Variants in LEPROTL1 observed in about 807,000 individuals in gnomAD.
LEPROTL1 encodes the protein leptin receptor overlapping transcript like 1.
Under a neutral mutation model 15.4 loss-of-function variants are expected in LEPROTL1, and 6 were observed. The ratio of observed to expected loss-of-function variants is 0.39; its 90% CI spans 0.21 to 0.77. The LOEUF is 0.77. Ranked by LOEUF, LEPROTL1 falls within the 30% of genes least tolerant of loss-of-function variation. The pLI is 0.41. For missense variants in LEPROTL1, 128 were observed against 158.1 expected (o/e 0.81, Z 1.02); for synonymous variants, 56 against 52.6 (o/e 1.06, Z -0.28).
At chr8:30,104,665 C>A in intron 3 of LEPROTL1, 179 bp downstream of exon 3, 1 of 418,610 alleles carries the variant, frequency 2.4e-6, no homozygotes, top group Non-Finnish European at 4.2e-6. Flanking sequence ...TATTGGAGAA[C>A]GTGGCTTGGA....
Position 30,132,537 on chromosome 8 carries a change from G to T in LEPROTL1, c.394+48G>T, listed in dbSNP as rs139376997. On this transcript the variant is annotated intron_variant, in intron 4 of 4. Coordinates refer to the LEPROTL1 transcript ENST00000442880. Reference sequence around the variant, plus strand: ...TGGTCCACACGACATAGATGCACTCGAATTGCTGGCAATCAGTCAGTCCCG... The same window carrying T: ...TGGTCCACACGACATAGATGCACTCTAATTGCTGGCAATCAGTCAGTCCCG... The T allele has an allele frequency of 6.4e-7, 1 of 1,551,738 alleles. No individual in the cohort carries two copies.
chr8:30,113,637 G>A (rs1802688746), intron 3 of LEPROTL1, among the ~76,000 whole-genome samples: 2 of 152,150 alleles, frequency 1.3e-5, no homozygotes, highest in Non-Finnish European at 2.9e-5. Context: ...ATTATGGGCC[G>A]GAGAGAACAT....
chr8:30,115,907 G>T (rs998113305), intron 3 of LEPROTL1, among the ~76,000 whole-genome samples: 2 of 152,106 alleles, frequency 1.3e-5, no homozygotes, highest in Non-Finnish European at 2.9e-5. Flanking sequence ...TTAGGTGGAA[G>T]TGTAAGTAGT....
chr8:30,123,014 T>A (rs888285852), intron 3 of LEPROTL1, among the ~76,000 whole-genome samples: 1 of 152,118 alleles, frequency 6.6e-6, no homozygotes, highest in Non-Finnish European at 1.5e-5. Flanking sequence ...CAGCTGGGGG[T>A]TGGTGGATCA....
chr8:30,134,867 T>C (rs563003981), intron 4 of LEPROTL1, among the ~76,000 whole-genome samples: 1 of 151,028 alleles, frequency 6.6e-6, no homozygotes, highest in East Asian at 2.0e-4. Context: ...CTTTTCTTTT[T>C]TCTTTTCTTT....
At chr8:30,103,812 C>T (rs1802510844) in intron 2 of LEPROTL1, among the ~76,000 whole-genome samples, 1 of 151,916 alleles carries the variant, frequency 6.6e-6, no homozygotes, top group South Asian at 2.1e-4. Flanking sequence ...ATCAGATCTC[C>T]ACCATGATAC....
intron 3 of LEPROTL1, among the ~76,000 whole-genome samples, chr8:30,129,681 C>T (rs763753238): frequency 5.3e-5 from 8 of 151,038 alleles, no homozygotes; most frequent in Non-Finnish European, 7.4e-5. Flanking sequence ...CACCACTGCA[C>T]TCCAGCCTGG....
At chr8:30,125,029 A>G (rs1218467473) in intron 3 of LEPROTL1, among the ~76,000 whole-genome samples, 2 of 152,234 alleles carry the variant, frequency 1.3e-5, no homozygotes, top group Non-Finnish European at 2.9e-5. Flanking sequence ...ACATATCCAG[A>G]TTGGCCATGA....
At position 30,098,470 on chromosome 8, in the gene LEPROTL1, A is replaced by G. The variant is rs75791277; in HGVS notation, c.16+2942A>G. Among the ~76,000 whole-genome samples the G allele has an allele frequency of 6.9e-4, 105 of 152,252 alleles. No homozygotes were observed. In the East Asian group the frequency reaches 0.015, roughly 21 times the overall value. On this transcript the variant is annotated intron_variant, in intron 1 of 3. Coordinates refer to ENST00000321250, the MANE Select transcript of LEPROTL1 (RefSeq NM_015344.3). Reference sequence around the variant, plus strand: ...TTAGTATATGGGCTTTGTAACATCTATTTTGTCTCTTTTTAGTGGCCTTTG... The same window carrying G: ...TTAGTATATGGGCTTTGTAACATCTGTTTTGTCTCTTTTTAGTGGCCTTTG...
At chr8:30,137,709 G>C (rs1400796852), downstream of LEPROTL1, 1 of 575,278 alleles carries the variant, frequency 1.7e-6, no homozygotes, top group Non-Finnish European at 3.1e-6. Context: ...ATTTTGGGAG[G>C]AACTTAGTTA....
chr8:30,129,927 AAG>A (rs1802971378), intron 3 of LEPROTL1, among the ~76,000 whole-genome samples: 1 of 152,108 alleles, frequency 6.6e-6, no homozygotes, highest in African/African-American at 2.4e-5. Flanking sequence ...GAGGAAGAGA[AAG>A]AGCGGGAAGG....
chr8:30,119,798 G>A (rs963192598), intron 3 of LEPROTL1, among the ~76,000 whole-genome samples: 10 of 152,128 alleles, frequency 6.6e-5, no homozygotes, highest in Non-Finnish European at 1.3e-4. Flanking sequence ...GTTGGGCCTG[G>A]CGGCTCATGT....
At chr8:30,122,409 G>A (rs1346708805) in intron 3 of LEPROTL1, among the ~76,000 whole-genome samples, 1 of 152,128 alleles carries the variant, frequency 6.6e-6, no homozygotes, top group African/African-American at 2.4e-5. Context: ...GCCTCCCAAA[G>A]TACTGGGATT....
Position 30,095,464 on chromosome 8 carries a change from T to C in LEPROTL1, c.-49T>C, listed in dbSNP as rs530344835. The C allele has an allele frequency of 2.7e-6, 4 of 1,463,174 alleles. No homozygotes were observed. The highest frequency in any genetic ancestry group is 2.5e-5 in the Admixed American group (1 of 40,384). 90.6% of individuals were successfully genotyped at this position (1,463,174 alleles called of 1,614,324 possible). A position where few individuals can be genotyped will look rare whatever the true frequency, so the allele number is the denominator to read the frequency against. On this transcript the variant is annotated 5_prime_UTR_variant, in exon 1 of 4. Transcript: ENST00000321250. ...GCGTCTTGGGTCTCCCGGCTGCCGC[T>C]GCTGCCGCCGCCGCCTCGGGTCGTG...
intron 1 of LEPROTL1, chr8:30,096,375 A>G: frequency 1.0e-6 from 1 of 985,270 alleles, no homozygotes; most frequent in Non-Finnish European, 1.2e-6. Flanking sequence ...AATTACATTG[A>G]TTTCTTGACC....
chr8:30,123,471 A>G (rs550166195), intron 3 of LEPROTL1, among the ~76,000 whole-genome samples: 12 of 152,360 alleles, frequency 7.9e-5, no homozygotes, highest in African/African-American at 2.9e-4. Flanking sequence ...CAATTTATTG[A>G]GGTTTGCAAC....
rs71204262 is a variant in LEPROTL1 at position 30,097,698 on chromosome 8, TACACACAC to T, written c.16+2192_16+2199del. ...AAAAAAAAAAAAATATATATATATA[TACACACAC>T]ACACACACACACACACACACATATT... On this transcript the variant is annotated intron_variant, in intron 1 of 3. Coordinates refer to ENST00000321250, the MANE Select transcript of LEPROTL1 (RefSeq NM_015344.3). 2.6e-4 allele frequency among the ~76,000 whole-genome samples: 28 copies of T among 108,772 alleles called. No homozygotes were observed. The South Asian group carries it at 4.3e-3, about 17-fold the overall frequency. The allele number at this position is 108,772 out of a possible 152,430, so 71.4% of individuals were successfully genotyped here.
chr8:30,124,678 A>T (rs1356361870), intron 3 of LEPROTL1, among the ~76,000 whole-genome samples: 3 of 152,328 alleles, frequency 2.0e-5, no homozygotes, highest in East Asian at 3.9e-4. Context: ...TCATAAATGT[A>T]GTTTATTATA....
intron 3 of LEPROTL1, among the ~76,000 whole-genome samples, chr8:30,121,658 T>C (rs1220814944): frequency 1.3e-5 from 2 of 152,236 alleles, no homozygotes; most frequent in East Asian, 1.9e-4. Flanking sequence ...TTGGTGTGTT[T>C]TTTCTGGGGC....
Sources: gnomAD v4.1 joint callset for allele counts (sites outside exome capture counted in the v4.1 genomes callset) on GRCh38, gnomAD v4.1.1 for gene constraint, MANE v1.5 for transcripts, NCBI Gene and HGNC (gene_info 2026-07-23, HGNC 2026-07-21) for gene names.